ZMYM4: variants seen among roughly 807,000 people sequenced by gnomAD.
ZMYM4 encodes zinc finger MYM-type containing 4.
ZMYM4 carries 31 observed loss-of-function variants against 183.2 expected under a neutral mutation model. The ratio of observed to expected loss-of-function variants is 0.17; its 90% CI spans 0.13 to 0.23. The LOEUF (loss-of-function observed/expected upper bound fraction) is 0.23. Ranked by LOEUF, ZMYM4 falls within the 10% of genes least tolerant of loss-of-function variation. ZMYM4 has a pLI of 1.00. For missense variants in ZMYM4, 1,273 were observed against 1,840.3 expected, an observed-to-expected ratio of 0.69 and a Z score of 5.64; for synonymous variants, 592 against 631.2, an observed-to-expected ratio of 0.94 and a Z score of 0.93.
In ZMYM4 at chr1:35,419,924, G is replaced by A. The variant is rs909066228; in HGVS notation, c.*247G>A. 14 of 483,742 alleles carry A rather than the reference G, an allele frequency of 2.9e-5. No individual in the cohort carries two copies. Among genetic ancestry groups the A allele is most frequent in the African/African-American group, 1.6e-4 (8 of 51,432 alleles). 30.0% of individuals were successfully genotyped at this position (483,742 alleles called of 1,614,324 possible). On this transcript the variant is annotated 3_prime_UTR_variant, in exon 30 of 30. Transcript: ENST00000314607. ...CATCTTCAGAATGACTAATTTCTCC[G>A]AGTGGTGCATAATCTTATTTTGTTT...
intron 1 of ZMYM4, among the ~76,000 whole-genome samples, chr1:35,270,938 A>G (rs929977850): frequency 8.5e-5 from 13 of 152,206 alleles, no homozygotes; most frequent in South Asian, 2.1e-4. Flanking sequence ...TGTTGGATTC[A>G]CCTAATGCAA....
Position 35,268,910 on chromosome 1 carries a change from T to A in ZMYM4, c.-137T>A, listed in dbSNP as rs1197757019. On this transcript the variant is annotated 5_prime_UTR_variant, in exon 1 of 30. Transcript: ENST00000314607. ...CGCGCGGCATCCGCCCCCTCCCCAC[T>A]CTCGGCGCAAGGCCCGGCCGGGTCC... The A allele has an allele frequency of 4.9e-6, 5 of 1,022,968 alleles. No homozygotes were observed. The highest frequency in any genetic ancestry group is 6.3e-6 in the Non-Finnish European group (5 of 787,794). The allele number at this position is 1,022,968 out of a possible 1,614,324, so 63.4% of individuals were successfully genotyped here.
chr1:35,397,279 T>A, intron 19 of ZMYM4, 98 bp from the exon 20 acceptor site: 2 of 1,303,894 alleles, frequency 1.5e-6, no homozygotes, highest in Non-Finnish European at 2.0e-6. Flanking sequence ...TACCTTAAAT[T>A]TGTTTACTAT....
At chr1:35,329,940 G>A (rs1335279242) in intron 2 of ZMYM4, among the ~76,000 whole-genome samples, 1 of 152,150 alleles carries the variant, frequency 6.6e-6, no homozygotes, top group African/African-American at 2.4e-5. Flanking sequence ...TCTTGGCTGG[G>A]CATGGTGGCT....
At chr1:35,380,032 G>C (rs1434506318) in intron 7 of ZMYM4, among the ~76,000 whole-genome samples, 1 of 152,208 alleles carries the variant, frequency 6.6e-6, no homozygotes, top group Admixed American at 6.5e-5. Flanking sequence ...AGACATGCGT[G>C]GGCAAATGCT....
At chr1:35,307,196 A>C (rs1433434983) in intron 1 of ZMYM4, among the ~76,000 whole-genome samples, 2 of 152,342 alleles carry the variant, frequency 1.3e-5, no homozygotes, top group East Asian at 3.9e-4. Flanking sequence ...TCTTAGTAGT[A>C]TCATTTAGTA....
chr1:35,401,741 T>C (rs1376393499), intron 23 of ZMYM4, among the ~76,000 whole-genome samples: 1 of 152,204 alleles, frequency 6.6e-6, no homozygotes, highest in Non-Finnish European at 1.5e-5. Flanking sequence ...TTTTATAGTT[T>C]TAACTTTTAT....
chr1:35,392,558 G>T, intron 16 of ZMYM4, 89 bp from the exon 17 acceptor site: 1 of 1,337,714 alleles, frequency 7.5e-7, no homozygotes, highest in Non-Finnish European at 1.0e-6. Context: ...TAGTATGAGG[G>T]TTTGTGTTTA....
chr1:35,325,608 A>G (rs1423350436), intron 2 of ZMYM4, among the ~76,000 whole-genome samples: 2 of 151,868 alleles, frequency 1.3e-5, no homozygotes, highest in Non-Finnish European at 2.9e-5. Flanking sequence ...TTCAATAAAT[A>G]TTTTATTCTC....
intron 4 of ZMYM4, 139 bp downstream of exon 4, chr1:35,361,394 G>T (rs1314005759): frequency 6.1e-5 from 59 of 962,608 alleles, no homozygotes; most frequent in Non-Finnish European, 8.5e-5. Context: ...TTTGTTTAAG[G>T]TCATCATCGG....
At position 35,419,349 on chromosome 1, in the gene ZMYM4, C is replaced by G. The variant is rs1570567116; in HGVS notation, c.4440-121C>G. On this transcript the variant is annotated intron_variant, in intron 29 of 29. Transcript: ENST00000314607. ...GGTGCAAAAATAATTGCAGTTTTTGCCCTTACTTTTAATTACTTTTAATGG... is the reference window on the plus strand; with the variant it reads ...GGTGCAAAAATAATTGCAGTTTTTGGCCTTACTTTTAATTACTTTTAATGG... The G allele has an allele frequency of 1.8e-5, 19 of 1,046,348 alleles. No individual in the cohort carries two copies. In the East Asian group the frequency reaches 4.9e-4, roughly 27 times the overall value. 64.8% of individuals were successfully genotyped at this position (1,046,348 alleles called of 1,614,324 possible). A position where few individuals can be genotyped will look rare whatever the true frequency, so the allele number is the denominator to read the frequency against.
intron 5 of ZMYM4, 88 bp downstream of exon 5, chr1:35,361,877 A>G: frequency 6.7e-7 from 1 of 1,496,612 alleles, no homozygotes; most frequent in Non-Finnish European, 9.0e-7. Flanking sequence ...GAAGTGAAAT[A>G]GTTTGTTGAC....
chr1:35,347,884 AC>A (rs1285084771), intron 2 of ZMYM4, among the ~76,000 whole-genome samples: 1 of 152,210 alleles, frequency 6.6e-6, no homozygotes, highest in African/African-American at 2.4e-5. Flanking sequence ...TCTTTGAAAT[AC>A]TGACATGTAA....
intron 1 of ZMYM4, among the ~76,000 whole-genome samples, chr1:35,284,979 C>T (rs907553126): frequency 6.6e-6 from 1 of 152,102 alleles, no homozygotes; most frequent in African/African-American, 2.4e-5. Context: ...ACATTCAGAC[C>T]ATAACAACGA....
intron 2 of ZMYM4, among the ~76,000 whole-genome samples, chr1:35,355,881 C>T (rs901931693): frequency 5.9e-5 from 9 of 152,176 alleles, no homozygotes; most frequent in Admixed American, 3.9e-4. Context: ...TTAGGGATCT[C>T]ATTTTTCCAT....
Position 35,268,874 on chromosome 1 carries a change from C to A in ZMYM4, c.-173C>A. The A allele has an allele frequency of 1.6e-6, 1 of 622,124 alleles. No individual in the cohort carries two copies. Among genetic ancestry groups the A allele is most frequent in the Non-Finnish European group, 2.3e-6 (1 of 430,748 alleles). The allele number at this position is 622,124 out of a possible 1,614,324, so 38.5% of individuals were successfully genotyped here. A position where few individuals can be genotyped will look rare whatever the true frequency, so the allele number is the denominator to read the frequency against. ...GCGCGGACCCGTGGGATCTCAGAAG[C>A]TGCGGCCCGGCGCGCGGCATCCGCC... On this transcript the variant is annotated 5_prime_UTR_variant, in exon 1 of 30. It adds an upstream start codon to the 5' untranslated region. Coordinates refer to ENST00000314607, the MANE Select transcript of ZMYM4 (RefSeq NM_005095.3).
chr1:35,283,324 A>ATTTTTTTTT (rs1640288049), intron 1 of ZMYM4, among the ~76,000 whole-genome samples: 1 of 79,598 alleles, frequency 1.3e-5, no homozygotes, highest in African/African-American at 5.9e-5. Context: ...GTGAAGTGGT[A>ATTTTTTTTT]TCTTTTTTTT....
intron 1 of ZMYM4, among the ~76,000 whole-genome samples, chr1:35,299,824 T>A (rs1641194164): frequency 6.6e-6 from 1 of 151,860 alleles, no homozygotes; most frequent in African/African-American, 2.4e-5. Context: ...AGACAGAGTC[T>A]TGCTCTGTTG....
At chr1:35,334,697 T>G (rs1334362822) in intron 2 of ZMYM4, among the ~76,000 whole-genome samples, 2 of 152,198 alleles carry the variant, frequency 1.3e-5, no homozygotes, top group Non-Finnish European at 2.9e-5. Context: ...GAAAGAAGAT[T>G]CAGATATACA....
Sources: allele counts gnomAD v4.1 joint callset (sites outside exome capture counted in the v4.1 genomes callset), GRCh38; gene constraint gnomAD v4.1.1; transcripts MANE v1.5; gene names NCBI Gene and HGNC (gene_info 2026-07-23, HGNC 2026-07-21).